The following SMIM40 variants were observed in gnomAD, a reference collection of about 807,000 sequenced individuals.
SMIM40 encodes the protein small integral membrane protein 40.
intron 1 of SMIM40, among the ~76,000 whole-genome samples, chr6:33,328,412 A>C (rs1438146784): frequency 6.7e-6 from 1 of 148,260 alleles, no homozygotes; most frequent in Non-Finnish European, 1.5e-5. Context: ...CTGGTCTTGA[A>C]CTCCTGACTT....
intron 1 of SMIM40, among the ~76,000 whole-genome samples, chr6:33,324,914 G>GAAAAAAAAAAAAAAA (rs1003238652): frequency 2.3e-5 from 2 of 86,632 alleles, no homozygotes; most frequent in African/African-American, 7.7e-5. Context: ...AAAAAAAAAG[G>GAAAAAAAAAAAAAAA]AAAAAAAAAG....
chr6:33,328,162 T>TTTTA (rs1771327311), intron 1 of SMIM40, among the ~76,000 whole-genome samples: 1 of 151,542 alleles, frequency 6.6e-6, no homozygotes, highest in African/African-American at 2.4e-5. Context: ...TTGAAACAAT[T>TTTTA]TTTATTTATT....
At chr6:33,323,885 C>T (rs1015649654) in intron 2 of SMIM40, 21 bp from the exon 3 acceptor site, 1 of 152,248 alleles carries the variant, frequency 6.6e-6, no homozygotes, top group Non-Finnish European at 1.5e-5. Flanking sequence ...AAATGAGGCT[C>T]ATAAAATACT....
intron 1 of SMIM40, among the ~76,000 whole-genome samples, chr6:33,328,069 G>C (rs1436491737): frequency 6.7e-6 from 1 of 148,542 alleles, no homozygotes; most frequent in Admixed American, 6.7e-5. Flanking sequence ...CTGGGCGACA[G>C]AGCAAGACTC....
intron 1 of SMIM40, among the ~76,000 whole-genome samples, chr6:33,328,567 T>C (rs1185903100): frequency 6.6e-6 from 1 of 152,046 alleles, no homozygotes; most frequent in Non-Finnish European, 1.5e-5. Context: ...TTCAAAATTA[T>C]TTCCCTGAGT....
intron 1 of SMIM40, among the ~76,000 whole-genome samples, 178 bp downstream of exon 1, chr6:33,328,809 C>G (rs1771371593): frequency 6.6e-6 from 1 of 151,540 alleles, no homozygotes; most frequent in African/African-American, 2.4e-5. Context: ...TCCCTTGAAC[C>G]CTGGAGGCAG....
At chr6:33,325,244 G>C (rs1476268014) in intron 1 of SMIM40, among the ~76,000 whole-genome samples, 1 of 148,410 alleles carries the variant, frequency 6.7e-6, no homozygotes, top group Non-Finnish European at 1.5e-5. Flanking sequence ...GCACGCGCCT[G>C]TAGTCCCAGC....
chr6:33,325,976 A>C lies in SMIM40; in HGVS notation c.*40-1946T>G, dbSNP rs966274863. ...CAACTAGAGTCTTACAATCACAAGA[A>C]AGATATTTTTCATCTCAATTAATAT... On this transcript the variant is annotated intron_variant, in intron 1 of 2. Coordinates refer to ENST00000494082, the MANE Select transcript of SMIM40 (RefSeq NM_001369203.1). 3.3e-5 allele frequency among the ~76,000 whole-genome samples: 5 copies of C among 149,956 alleles called. 1 individual carries two copies. Among genetic ancestry groups the C allele is most frequent in the African/African-American group, 1.0e-4 (4 of 39,326 alleles).
chr6:33,328,065 G>A (rs934103318), intron 1 of SMIM40, among the ~76,000 whole-genome samples: 31 of 147,860 alleles, frequency 2.1e-4, no homozygotes, highest in Non-Finnish European at 3.9e-4. Flanking sequence ...CAGCCTGGGC[G>A]ACAGAGCAAG....
rs949443484 is a variant in SMIM40, at chr6:33,323,657, C to T, written c.*307G>A. On this transcript the variant is annotated 3_prime_UTR_variant, in exon 3 of 3. Coordinates refer to ENST00000494082, the MANE Select transcript of SMIM40 (RefSeq NM_001369203.1). ...AGTGTTATTGTTATTACTATTGTTG[C>T]TGATTTGCTTTTCAAGCTTCACCAC... is the stretch of plus-strand genomic sequence containing the variant. The T allele has an allele frequency of 4.6e-5, 7 of 152,294 alleles. No individual in the cohort carries two copies. Among genetic ancestry groups the T allele is most frequent in the African/African-American group, 1.7e-4 (7 of 41,444 alleles). The allele number at this position is 152,294 out of a possible 1,614,324, so 9.4% of individuals were successfully genotyped here.
In SMIM40 at chr6:33,329,239, C is replaced by T. The variant is rs1389693971; in HGVS notation, c.27G>A (p.Glu9=). 1 of 398,628 alleles carries T rather than the reference C, an allele frequency of 2.5e-6. No individual in the cohort carries two copies. The highest frequency in any genetic ancestry group is 3.6e-5 in the East Asian group (1 of 28,080). The allele number at this position is 398,628 out of a possible 1,614,324, so 24.7% of individuals were successfully genotyped here. Residue 9 remains glutamate, a synonymous_variant, in exon 1 of 3, where the codon GAG becomes GAA. Transcript: ENST00000494082. The stretch of plus-strand genomic sequence containing the variant: ...GGGCAAATGCCAGGAACACATCCGC[C>T]TCGTCCACATCACCTTCCTCTGCCA... MAEEGDVD[E]ADVFLAFAQG...
intron 1 of SMIM40, among the ~76,000 whole-genome samples, chr6:33,326,596 G>C (rs534149291): frequency 1.4e-5 from 2 of 141,830 alleles, no homozygotes; most frequent in Non-Finnish European, 3.1e-5. Flanking sequence ...AGGCCGAGGC[G>C]GGCAGATCAC....
rs186930280 is a variant in SMIM40, at chr6:33,328,744, G to A, written c.*39+243C>T. On this transcript the variant is annotated intron_variant, in intron 1 of 2. Transcript: ENST00000494082. ...TCTACTAAAAATACAAAATTAGCAG[G>A]GGGCGGTGGCGCATGCCTGTAATCC... Among the ~76,000 whole-genome samples the A allele has an allele frequency of 1.8e-3, 272 of 152,016 alleles. 2 individuals are homozygous for A. Among genetic ancestry groups the A allele is most frequent in the African/African-American group, 6.1e-3 (251 of 41,480 alleles).
At chr6:33,324,914 G>GAAAAAAAAAAAA (rs1003238652) in intron 1 of SMIM40, among the ~76,000 whole-genome samples, 1 of 86,626 alleles carries the variant, frequency 1.2e-5, no homozygotes, top group African/African-American at 3.9e-5. Flanking sequence ...AAAAAAAAAG[G>GAAAAAAAAAAAA]AAAAAAAAAG....
chr6:33,328,313 T>C (rs947454807), intron 1 of SMIM40, among the ~76,000 whole-genome samples: 43 of 150,868 alleles, frequency 2.9e-4, no homozygotes, highest in African/African-American at 9.7e-4. Flanking sequence ...AGCCTCTGAG[T>C]AGCTGAGGCA....
rs1197371738 is a variant in SMIM40 at position 33,323,984 on chromosome 6, G to A, written c.*86C>T. 6.6e-6 allele frequency: 1 copy of A among 152,302 alleles called. No individual in the cohort carries two copies. The highest frequency in any genetic ancestry group is 2.4e-5 in the African/African-American group (1 of 41,452). 9.4% of individuals were successfully genotyped at this position (152,302 alleles called of 1,614,324 possible). On this transcript the variant is annotated 3_prime_UTR_variant, in exon 2 of 3. Coordinates refer to ENST00000494082, the MANE Select transcript of SMIM40 (RefSeq NM_001369203.1). ...TTTGATACCCACCTCGTTGTGTTTA[G>A]GGAGGCTGGAGGGACTCGTGGAGGC... is the stretch of plus-strand genomic sequence containing the variant.
intron 1 of SMIM40, among the ~76,000 whole-genome samples, chr6:33,328,064 C>A (rs1222566245): frequency 1.4e-5 from 2 of 142,958 alleles, no homozygotes; most frequent in African/African-American, 5.2e-5. Context: ...GCAGCCTGGG[C>A]GACAGAGCAA....
chr6:33,329,134 T>C lies in SMIM40; in HGVS notation c.132A>G (p.Thr44=). 5.0e-6 allele frequency: 2 copies of C among 398,856 alleles called. No homozygotes were observed. Among genetic ancestry groups the C allele is most frequent in the East Asian group, 3.6e-5 (1 of 28,080 alleles). The allele number at this position is 398,856 out of a possible 1,614,324, so 24.7% of individuals were successfully genotyped here. Residue 44 remains threonine, a synonymous_variant, in exon 1 of 3, where the codon ACA becomes ACG. Transcript: ENST00000494082. ...TATAAGCAGCCTCCAGCATCAGCAG[T>C]GTCAGGAAGAGGGCCAGGAAGATAA... The part of the protein sequence containing the change: ...AFFIFLALFL[T]LLMLEAAYKL...
chr6:33,327,810 G>A (rs1297200785), intron 1 of SMIM40, among the ~76,000 whole-genome samples: 2 of 143,362 alleles, frequency 1.4e-5, no homozygotes, highest in African/African-American at 5.3e-5. Flanking sequence ...GCTGCAGTGA[G>A]CAGAGATCAC....
Sources: allele counts gnomAD v4.1 joint callset (sites outside exome capture counted in the v4.1 genomes callset), GRCh38; gene constraint gnomAD v4.1.1; transcripts MANE v1.5; gene names NCBI Gene and HGNC (gene_info 2026-07-23, HGNC 2026-07-21).